The following NPHP4 variants were observed in gnomAD, a reference collection of about 807,000 sequenced individuals.
The protein encoded by NPHP4 is nephrocystin-4.
A neutral mutation model predicts 155.8 loss-of-function variants in NPHP4; 151 were observed. That is an observed-to-expected ratio of 0.97 (90% confidence interval 0.85 to 1.11). The LOEUF is 1.11. Ranked by LOEUF, NPHP4 falls within the 50% of genes least tolerant of loss-of-function variation. The pLI is 0.00. For synonymous variants in NPHP4, 845 were observed against 816.8 expected, an observed-to-expected ratio of 1.03 and a Z score of -0.59; for missense variants, 1,956 against 1,925.7, an observed-to-expected ratio of 1.02 and a Z score of -0.29.
intron 3 of NPHP4, among the ~76,000 whole-genome samples, chr1:5,973,046 A>G (rs1652873851): frequency 1.3e-5 from 2 of 152,118 alleles, no homozygotes; most frequent in South Asian, 4.1e-4. Context: ...CACCACGCCC[A>G]GCTAATCTTT....
At chr1:5,884,426 C>T (rs1339420684) in intron 18 of NPHP4, among the ~76,000 whole-genome samples, 1 of 152,168 alleles carries the variant, frequency 6.6e-6, no homozygotes, top group Admixed American at 6.5e-5. Context: ...CACAAGCTCC[C>T]AGCCGAACCC....
chr1:5,941,191 CA>C (rs1160438821), intron 9 of NPHP4, among the ~76,000 whole-genome samples: 2 of 142,404 alleles, frequency 1.4e-5, no homozygotes, highest in Non-Finnish European at 3.0e-5. Context: ...GTCACCATGG[CA>C]AAGGGGGACT....
chr1:5,895,659 G>A lies in NPHP4; in HGVS notation c.2144-4631C>T, dbSNP rs781649454. ...CCAGTGGCCCCGGGCAGCGGCACCC[G>A]AGAGAGGGTGTGGGGCAGTGTCTGT... On this transcript the variant is annotated intron_variant, in intron 16 of 29. Transcript: ENST00000378156. Among the ~76,000 whole-genome samples the A allele has an allele frequency of 1.2e-3, 182 of 152,218 alleles. 1 individual carries two copies. Among genetic ancestry groups the A allele is most frequent in the Admixed American group, 1.8e-3 (28 of 15,282 alleles).
At position 5,920,394 on chromosome 1, in the gene NPHP4, G is replaced by C. The variant is rs72857445; in HGVS notation, c.1441+7255C>G. 5.0e-3 allele frequency among the ~76,000 whole-genome samples: 758 copies of C among 152,268 alleles called. 4 individuals are homozygous for C. Among genetic ancestry groups the C allele is most frequent in the African/African-American group, 0.018 (733 of 41,568 alleles). On this transcript the variant is annotated intron_variant, in intron 11 of 29. Transcript: ENST00000378156. ...CTGTTTTCACCCATCAAAGACTCTG[G>C]GGTCCAGAGGAGCTCCGTAGAGATG...
chr1:5,878,586 G>A (rs964978150), intron 19 of NPHP4, among the ~76,000 whole-genome samples: 8 of 152,194 alleles, frequency 5.3e-5, no homozygotes, highest in Non-Finnish European at 5.9e-5. Flanking sequence ...TTAAAATTTC[G>A]TGCAACTTGC....
At chr1:5,868,882 G>T (rs531356362) in intron 23 of NPHP4, among the ~76,000 whole-genome samples, 62 of 81,516 alleles carry the variant, frequency 7.6e-4, no homozygotes, top group Non-Finnish European at 1.3e-3. Context: ...GCCCCCACAC[G>T]CACACATATG....
At chr1:5,930,226 T>A (rs550050740) in intron 10 of NPHP4, among the ~76,000 whole-genome samples, 1 of 152,352 alleles carries the variant, frequency 6.6e-6, no homozygotes, top group African/African-American at 2.4e-5. Flanking sequence ...GTTTTACTGA[T>A]ATTTTCAAAC....
chr1:5,869,322 TACAC>T (rs1049755374), intron 23 of NPHP4, among the ~76,000 whole-genome samples: 137 of 137,236 alleles, frequency 1.0e-3, no homozygotes, highest in Non-Finnish European at 1.5e-3. Flanking sequence ...TGGATGCACA[TACAC>T]ACACACCACC....
chr1:5,907,145 G>A lies in NPHP4; in HGVS notation c.1581C>T (p.Pro527=), dbSNP rs140728027. 2.5e-5 allele frequency: 39 copies of A among 1,577,416 alleles called. No homozygotes were observed. Among genetic ancestry groups the A allele is most frequent in the Non-Finnish European group, 3.1e-5 (36 of 1,160,320 alleles). ...HCLARPTSQL[P]HGSQASPAQA... is the part of the protein sequence containing the mutation. ...GGGCCGGGGAGGCCTGAGAGCCATG[G>A]GGTAGCTGTGAAGTAGGCCTGGCCA... The change falls in exon 13 of 30, where the codon CCC becomes CCT. Residue 527 remains proline, a synonymous_variant. Coordinates refer to ENST00000378156, the MANE Select transcript of NPHP4 (RefSeq NM_015102.5).
intron 19 of NPHP4, 161 bp from the exon 20 acceptor site, chr1:5,877,459 T>C: frequency 2.0e-6 from 1 of 490,456 alleles, no homozygotes. Context: ...GAGATCCAGA[T>C]AAAGATGATA....
chr1:5,907,090 A>G, intron 13 of NPHP4, 25 bp downstream of exon 13: 1 of 1,351,650 alleles, frequency 7.4e-7, no homozygotes, highest in Non-Finnish European at 1.0e-6. Flanking sequence ...GGTGGAAGGC[A>G]AGGCGGCAGG....
intron 22 of NPHP4, 112 bp downstream of exon 22, chr1:5,874,359 G>A: frequency 9.2e-7 from 1 of 1,090,460 alleles, no homozygotes; most frequent in Non-Finnish European, 1.3e-6. Context: ...GCAGCCCCAA[G>A]GCTAGTCTGT....
chr1:5,949,891 A>C (rs1647626435), intron 7 of NPHP4, among the ~76,000 whole-genome samples: 1 of 152,150 alleles, frequency 6.6e-6, no homozygotes, highest in South Asian at 2.1e-4. Flanking sequence ...ATAGTGAGGC[A>C]GGGGAAACCG....
chr1:5,962,795 C>G (rs998032955), intron 5 of NPHP4, among the ~76,000 whole-genome samples: 2 of 152,220 alleles, frequency 1.3e-5, no homozygotes, highest in African/African-American at 4.8e-5. Flanking sequence ...CACCGCAGGG[C>G]GGGCAGGCCC....
At chr1:5,955,871 G>C (rs954924620) in intron 6 of NPHP4, among the ~76,000 whole-genome samples, 4 of 152,304 alleles carry the variant, frequency 2.6e-5, no homozygotes, top group Middle Eastern at 3.4e-3. Context: ...TAGAAGAGCA[G>C]CTAGAAGAGC....
At chr1:5,884,388 C>G (rs935318866) in intron 18 of NPHP4, among the ~76,000 whole-genome samples, 4 of 152,176 alleles carry the variant, frequency 2.6e-5, no homozygotes, top group Non-Finnish European at 4.4e-5. Context: ...CTGCCTCCCC[C>G]AGGAAAGGTC....
At chr1:5,934,308 C>T (rs188146394) in intron 9 of NPHP4, among the ~76,000 whole-genome samples, 7 of 152,310 alleles carry the variant, frequency 4.6e-5, no homozygotes, top group African/African-American at 1.2e-4. Flanking sequence ...CCAGTTAGAG[C>T]TCTTTCCACT....
intron 4 of NPHP4, 82 bp from the exon 5 acceptor site, chr1:5,967,445 C>A (rs886343147): frequency 9.6e-7 from 1 of 1,046,316 alleles, no homozygotes; most frequent in Non-Finnish European, 1.5e-6. Context: ...TCAGCCACCA[C>A]CACGCCCACT....
chr1:5,965,208 C>T (rs1199417185), intron 5 of NPHP4, among the ~76,000 whole-genome samples: 2 of 151,920 alleles, frequency 1.3e-5, no homozygotes, highest in African/African-American at 2.4e-5. Flanking sequence ...GTTGGGATTA[C>T]AGGTGTGAGC....
Sources: allele counts gnomAD v4.1 joint callset (sites outside exome capture counted in the v4.1 genomes callset), GRCh38; gene constraint gnomAD v4.1.1; transcripts MANE v1.5; gene names NCBI Gene and HGNC (gene_info 2026-07-23, HGNC 2026-07-21).